Variants in DLG2 observed in about 807,000 individuals in gnomAD.
The protein encoded by DLG2 is disks large homolog 2.
DLG2 carries 45 observed loss-of-function variants against 132.5 expected under a neutral mutation model. That is an observed-to-expected ratio of 0.34 (90% confidence interval 0.27 to 0.44). DLG2 has a LOEUF of 0.44. Ranked by LOEUF, DLG2 falls within the 20% of genes least tolerant of loss-of-function variation. DLG2 has a pLI of 1.00. For missense variants in DLG2, 1,045 were observed against 1,196.9 expected, an observed-to-expected ratio of 0.87 and a Z score of 1.87; for synonymous variants, 424 against 419.6, an observed-to-expected ratio of 1.01 and a Z score of -0.13.
intron 21 of DLG2, among the ~76,000 whole-genome samples, chr11:83,509,921 G>A (rs551875377): frequency 6.8e-4 from 103 of 152,184 alleles, no homozygotes; most frequent in African/African-American, 2.3e-3. Flanking sequence ...ACTAGGGGAC[G>A]GAATATAGCT....
chr11:85,335,143 C>T (rs913271945), intron 3 of DLG2, among the ~76,000 whole-genome samples: 4 of 151,802 alleles, frequency 2.6e-5, no homozygotes, highest in Admixed American at 2.0e-4. Context: ...TAAGTCTTCT[C>T]GTTGAATTGA....
intron 6 of DLG2, among the ~76,000 whole-genome samples, chr11:84,537,232 G>A (rs910499633): frequency 4.0e-5 from 6 of 151,840 alleles, no homozygotes; most frequent in South Asian, 2.1e-4. Flanking sequence ...TCAGCCTCCC[G>A]AGTAGCTGGG....
intron 3 of DLG2, among the ~76,000 whole-genome samples, chr11:85,358,773 T>G (rs2083928329): frequency 6.6e-6 from 1 of 152,202 alleles, no homozygotes; most frequent in African/African-American, 2.4e-5. Flanking sequence ...TGATAAATAA[T>G]TGCTTATTGA....
chr11:83,473,088 T>C (rs1379439700), intron 22 of DLG2, among the ~76,000 whole-genome samples: 1 of 152,126 alleles, frequency 6.6e-6, no homozygotes, highest in African/African-American at 2.4e-5. Flanking sequence ...CATTACTACT[T>C]AAAAGGAAGC....
chr11:83,723,399 A>C (rs2089208809), intron 18 of DLG2, among the ~76,000 whole-genome samples: 1 of 151,784 alleles, frequency 6.6e-6, no homozygotes, highest in African/African-American at 2.4e-5. Context: ...ATAAATAAAT[A>C]ATTAAATTGA....
intron 10 of DLG2, among the ~76,000 whole-genome samples, chr11:84,085,083 C>T (rs1399739997): frequency 1.3e-5 from 2 of 152,206 alleles, no homozygotes; most frequent in Non-Finnish European, 2.9e-5. Flanking sequence ...ATGATTTGGT[C>T]ATTTAATTGT....
intron 7 of DLG2, among the ~76,000 whole-genome samples, chr11:84,471,738 C>T (rs190666182): frequency 3.5e-4 from 53 of 151,592 alleles, no homozygotes; most frequent in African/African-American, 1.3e-3. Context: ...TCTGGTCTGT[C>T]CTCCCTTCCT....
intron 6 of DLG2, among the ~76,000 whole-genome samples, chr11:85,014,434 T>C (rs2059401549): frequency 6.6e-6 from 1 of 152,156 alleles, no homozygotes; most frequent in South Asian, 2.1e-4. Context: ...TCAGAAACTA[T>C]ACCAGTGCAC....
intron 3 of DLG2, among the ~76,000 whole-genome samples, chr11:85,475,287 C>T (rs1464979143): frequency 6.6e-6 from 1 of 151,620 alleles, no homozygotes; most frequent in Non-Finnish European, 1.5e-5. Flanking sequence ...ATAGTTTGAC[C>T]AATTCTACCA....
chr11:84,768,013 A>T (rs1381827747), intron 6 of DLG2, among the ~76,000 whole-genome samples: 1 of 152,116 alleles, frequency 6.6e-6, no homozygotes. Context: ...AAAGAGGAGG[A>T]CTCAATCTGA....
intron 3 of DLG2, among the ~76,000 whole-genome samples, chr11:85,414,740 T>C (rs1296645066): frequency 6.6e-6 from 1 of 152,012 alleles, no homozygotes; most frequent in East Asian, 1.9e-4. Context: ...TCTCATTTCT[T>C]ACATCTATTA....
At chr11:84,675,987 G>A (rs1407185591) in intron 6 of DLG2, among the ~76,000 whole-genome samples, 1 of 151,992 alleles carries the variant, frequency 6.6e-6, no homozygotes, top group Non-Finnish European at 1.5e-5. Context: ...TCCAGATAGA[G>A]TAATAGCTAC....
At chr11:84,524,958 G>T (rs1025598113) in intron 7 of DLG2, among the ~76,000 whole-genome samples, 13 of 151,084 alleles carry the variant, frequency 8.6e-5, no homozygotes, top group Non-Finnish European at 1.6e-4. Context: ...GTATTTAAAA[G>T]ACATGACTCC....
intron 6 of DLG2, among the ~76,000 whole-genome samples, chr11:84,842,098 C>T (rs1297697967): frequency 6.6e-6 from 1 of 151,968 alleles, no homozygotes; most frequent in East Asian, 1.9e-4. Context: ...AACACATCAT[C>T]CCTTCCTTTA....
At chr11:84,492,913 G>T (rs2099169055) in intron 7 of DLG2, among the ~76,000 whole-genome samples, 1 of 152,018 alleles carries the variant, frequency 6.6e-6, no homozygotes, top group African/African-American at 2.4e-5. Context: ...ACTTTTTAAA[G>T]GCATGCTTAT....
chr11:84,302,179 C>T (rs952166471), intron 7 of DLG2, among the ~76,000 whole-genome samples: 6 of 152,018 alleles, frequency 3.9e-5, no homozygotes, highest in East Asian at 1.9e-4. Flanking sequence ...AGGGGAACAT[C>T]GCACACTGAG....
At chr11:84,926,935 G>A (rs562856608) in intron 6 of DLG2, among the ~76,000 whole-genome samples, 2 of 152,090 alleles carry the variant, frequency 1.3e-5, no homozygotes, top group South Asian at 2.1e-4. Flanking sequence ...TGTAATTCTA[G>A]TGTGTATGTA....
chr11:83,635,522 C>T (rs747282881), intron 18 of DLG2, among the ~76,000 whole-genome samples: 1 of 152,128 alleles, frequency 6.6e-6, no homozygotes, highest in Non-Finnish European at 1.5e-5. Context: ...TCTCTCACTG[C>T]TCTCTTTCCC....
chr11:85,275,466 T>C (rs1347631861), intron 4 of DLG2, among the ~76,000 whole-genome samples: 1 of 152,158 alleles, frequency 6.6e-6, no homozygotes, highest in Non-Finnish European at 1.5e-5. Flanking sequence ...ACTAAAATAA[T>C]AATGAAATTC....
Sources: gnomAD v4.1 joint callset for allele counts (sites outside exome capture counted in the v4.1 genomes callset) on GRCh38, gnomAD v4.1.1 for gene constraint, MANE v1.5 for transcripts, NCBI Gene and HGNC (gene_info 2026-07-23, HGNC 2026-07-21) for gene names.